The following TASP1 variants were observed in gnomAD, a reference collection of about 807,000 sequenced individuals.
TASP1 encodes taspase 1, also known as threonine aspartase 1.
TASP1 carries 16 observed loss-of-function variants against 56.6 expected under a neutral mutation model. The ratio of observed to expected loss-of-function variants is 0.28; its 90% confidence interval spans 0.19 to 0.43. The LOEUF is 0.43. Ranked by LOEUF, TASP1 falls within the 20% of genes least tolerant of loss-of-function variation. The pLI is 1.00. For synonymous variants in TASP1, 179 were observed against 184.2 expected (o/e 0.97, Z 0.23); for missense variants, 393 against 511.6 (o/e 0.77, Z 2.24).
intron 4 of TASP1, among the ~76,000 whole-genome samples, chr20:13,618,138 G>A (rs1266444808): frequency 6.6e-6 from 1 of 151,982 alleles, no homozygotes; most frequent in African/African-American, 2.4e-5. Context: ...AGCTGGGCAC[G>A]GTGGCTCACA....
the TASP1 span, chr20:13,159,929 C>T: frequency 6.9e-7 from 1 of 1,443,380 alleles, no homozygotes; most frequent in Non-Finnish European, 9.2e-7. Context: ...TAGCCATATT[C>T]CTTTTTTGTC....
the TASP1 span, among the ~76,000 whole-genome samples, chr20:13,359,711 G>C: frequency 6.6e-6 from 1 of 151,710 alleles, no homozygotes; most frequent in African/African-American, 2.4e-5. Flanking sequence ...CACCTGCCCA[G>C]TTCCCTTATT....
the TASP1 span, among the ~76,000 whole-genome samples, chr20:13,318,998 C>G: frequency 2.0e-5 from 3 of 152,112 alleles, no homozygotes; most frequent in Admixed American, 1.3e-4. Flanking sequence ...TACAACAGCA[C>G]GAGTGAACCC....
chr20:13,475,223 A>G (rs1429547635), intron 11 of TASP1, among the ~76,000 whole-genome samples: 1 of 152,120 alleles, frequency 6.6e-6, no homozygotes, highest in Non-Finnish European at 1.5e-5. Flanking sequence ...TTTTGCTAAG[A>G]TATCTTAATG....
the TASP1 span, among the ~76,000 whole-genome samples, chr20:13,138,660 T>C: frequency 6.6e-6 from 1 of 152,218 alleles, no homozygotes; most frequent in Non-Finnish European, 1.5e-5. Context: ...GGAGGTTACT[T>C]ATAGAATTAT....
chr20:13,574,102 CAAATG>C (rs937316653), intron 6 of TASP1, among the ~76,000 whole-genome samples: 1 of 150,064 alleles, frequency 6.7e-6, no homozygotes. Context: ...AGCACTGGAA[CAAATG>C]AAATGAAAGT....
chr20:13,638,200 A>G (rs896433230), intron 1 of TASP1, among the ~76,000 whole-genome samples: 4 of 152,314 alleles, frequency 2.6e-5, no homozygotes, highest in Middle Eastern at 3.4e-3. Context: ...CTAAGAATAT[A>G]AGTAAAAATT....
the TASP1 span, among the ~76,000 whole-genome samples, chr20:13,335,324 GCACACACACACACACACACA>G: frequency 2.1e-5 from 3 of 141,636 alleles, no homozygotes; most frequent in Middle Eastern, 7.2e-3. Flanking sequence ...CCTCACCTAT[GCACACACACACACACACACA>G]CACACACACA....
the TASP1 span, among the ~76,000 whole-genome samples, chr20:13,108,961 C>T: frequency 2.0e-5 from 3 of 152,038 alleles, no homozygotes; most frequent in East Asian, 5.8e-4. Context: ...GTTTCATCTT[C>T]TCAAAAAAGG....
chr20:13,546,609 C>G (rs1422549776), intron 8 of TASP1, among the ~76,000 whole-genome samples: 2 of 152,018 alleles, frequency 1.3e-5, no homozygotes. Flanking sequence ...AGGGTCCATT[C>G]CTTTTCTTGG....
the TASP1 span, among the ~76,000 whole-genome samples, chr20:13,161,813 C>T: frequency 7.2e-5 from 11 of 152,136 alleles, no homozygotes; most frequent in African/African-American, 1.9e-4. Flanking sequence ...AAATTATACA[C>T]GTACACATGT....
chr20:13,605,316 A>G (rs1479708489), intron 4 of TASP1, among the ~76,000 whole-genome samples: 10 of 152,200 alleles, frequency 6.6e-5, no homozygotes, highest in African/African-American at 2.4e-4. Context: ...ACATTGATCA[A>G]TTTTGTTGCA....
intron 10 of TASP1, among the ~76,000 whole-genome samples, chr20:13,517,480 C>T (rs2044584008): frequency 6.6e-6 from 1 of 151,952 alleles, no homozygotes; most frequent in Admixed American, 6.6e-5. Context: ...ACAAGCTAAG[C>T]AGTATTTCCG....
intron 1 of TASP1, among the ~76,000 whole-genome samples, chr20:13,637,537 A>C (rs1206808510): frequency 6.6e-6 from 1 of 152,254 alleles, no homozygotes; most frequent in East Asian, 1.9e-4. Flanking sequence ...ATATTCACAC[A>C]ATGGAACATT....
chr20:13,113,925 T>C, the TASP1 span, among the ~76,000 whole-genome samples: 345 of 152,316 alleles, frequency 2.3e-3, no homozygotes, highest in African/African-American at 7.9e-3. Context: ...ACATTTCCCA[T>C]GTGCAGCCTT....
At chr20:13,282,025 ACT>A in the TASP1 span, among the ~76,000 whole-genome samples, 9 of 152,202 alleles carry the variant, frequency 5.9e-5, 1 homozygote, top group African/African-American at 2.2e-4. Flanking sequence ...TGAGTCAGAA[ACT>A]CTGGAGTGGG....
chr20:13,297,182 C>T, the TASP1 span, among the ~76,000 whole-genome samples: 3 of 152,152 alleles, frequency 2.0e-5, no homozygotes, highest in African/African-American at 7.2e-5. Flanking sequence ...GGGGAAAGGG[C>T]GTTCTTTGCA....
the TASP1 span, among the ~76,000 whole-genome samples, chr20:13,325,577 G>A: frequency 1.3e-5 from 2 of 152,040 alleles, no homozygotes; most frequent in East Asian, 3.9e-4. Context: ...CCAGAGAATC[G>A]ATAATGGGTT....
intron 11 of TASP1, among the ~76,000 whole-genome samples, chr20:13,472,912 T>C (rs2044569657): frequency 6.6e-6 from 1 of 152,098 alleles, no homozygotes; most frequent in South Asian, 2.1e-4. Context: ...TCAACCATTG[T>C]GGAAGACAGT....
Sources: allele counts gnomAD v4.1 joint callset (sites outside exome capture counted in the v4.1 genomes callset), GRCh38; gene constraint gnomAD v4.1.1; transcripts MANE v1.5; gene names NCBI Gene and HGNC (gene_info 2026-07-23, HGNC 2026-07-21).